The following CFAP53 variants were observed in gnomAD, a reference collection of about 807,000 sequenced individuals.
CFAP53 encodes cilia- and flagella-associated protein 53.
A neutral mutation model predicts 59.7 loss-of-function variants in CFAP53; 62 were observed. The ratio of observed to expected loss-of-function variants is 1.04; its 90% confidence interval spans 0.85 to 1.28. CFAP53 has a LOEUF of 1.28. Among genes scored for constraint, CFAP53 ranks in the 50% most tolerant of loss-of-function variants. The probability of loss-of-function intolerance (pLI) is 0.00; values close to 1 mark genes in which losing one functional copy is unlikely to be tolerated. For missense variants in CFAP53, 629 were observed against 615.6 expected (o/e 1.02, Z -0.23); for synonymous variants, 218 against 205.7 (o/e 1.06, Z -0.51).
rs760089272 is a variant in CFAP53, at chr18:50,251,511, C to A, written c.747G>T (p.Gln249His). Residue 249 changes from glutamine to histidine, a missense_variant, in exon 4 of 8, where the codon CAG becomes CAT. By Grantham distance (24) the Gln-to-His change is conservative. Coordinates refer to ENST00000398545, the MANE Select transcript of CFAP53 (RefSeq NM_145020.5). ...GGCGTGCCTCCTCTTCCTTCAGCAG[C>A]TGTGTCGCCTGCCTTTGTGCCTTGA... ...TSIKAQRQAT[Q>H]LLKEEEARLV... is the part of the protein sequence containing the mutation. 4.3e-6 allele frequency: 7 copies of A among 1,613,784 alleles called. No homozygotes were observed. Among genetic ancestry groups the A allele is most frequent in the Non-Finnish European group, 5.9e-6 (7 of 1,180,022 alleles).
At chr18:50,236,075 A>G (rs889270879) in intron 7 of CFAP53, among the ~76,000 whole-genome samples, 1 of 152,228 alleles carries the variant, frequency 6.6e-6, no homozygotes, top group African/African-American at 2.4e-5. Flanking sequence ...TCCTGTGCAG[A>G]TAACATACAA....
chr18:50,266,304 T>C (rs759372486), intron 1 of CFAP53, 32 bp downstream of exon 1: 2 of 1,608,800 alleles, frequency 1.2e-6, no homozygotes, highest in Non-Finnish European at 1.7e-6. Flanking sequence ...TGGAGAAAGC[T>C]GTAGGGTCTG....
chr18:50,238,711 A>G lies in CFAP53; in HGVS notation c.1214-6T>C, dbSNP rs1244093116. 3.8e-6 allele frequency: 6 copies of G among 1,597,696 alleles called. No homozygotes were observed. In the Admixed American group the frequency reaches 5.1e-5, roughly 13 times the overall value. ...TTCTTTAGCTTCTCGTTGCACTAAG[A>G]AAAGCAAAAGTAATTATATGTCAAA... On this transcript the variant is annotated splice_polypyrimidine_tract_variant and splice_region_variant and intron_variant, in intron 6 of 7. Transcript: ENST00000398545.
intron 3 of CFAP53, among the ~76,000 whole-genome samples, chr18:50,254,645 T>C (rs1391311726): frequency 6.6e-6 from 1 of 152,170 alleles, no homozygotes; most frequent in East Asian, 1.9e-4. Context: ...TCTCAGCACT[T>C]TGGGAGGCCA....
chr18:50,245,723 A>G (rs931419672), intron 5 of CFAP53, among the ~76,000 whole-genome samples: 1 of 152,238 alleles, frequency 6.6e-6, no homozygotes, highest in African/African-American at 2.4e-5. Flanking sequence ...CTTTACCAAA[A>G]TCTCAACTGG....
chr18:50,251,077 C>G, intron 4 of CFAP53, 101 bp from the exon 5 acceptor site: 2 of 950,806 alleles, frequency 2.1e-6, no homozygotes, highest in Non-Finnish European at 3.3e-6. Flanking sequence ...TCTGGAAATA[C>G]ACACACACCT....
chr18:50,239,999 G>A (rs553747038), intron 6 of CFAP53, among the ~76,000 whole-genome samples: 91 of 152,290 alleles, frequency 6.0e-4, no homozygotes, highest in African/African-American at 2.1e-3. Context: ...ATGTCAGTAT[G>A]TTCAATTCTT....
At chr18:50,249,203 CA>C (rs34676585) in intron 5 of CFAP53, among the ~76,000 whole-genome samples, 2,496 of 105,048 alleles carry the variant, frequency 0.024, 36 homozygotes, top group Middle Eastern at 0.037. Context: ...AATTCTATCT[CA>C]AAAAAAAAAA....
chr18:50,235,722 T>C (rs1178478469), intron 7 of CFAP53, among the ~76,000 whole-genome samples: 1 of 152,202 alleles, frequency 6.6e-6, no homozygotes, highest in African/African-American at 2.4e-5. Flanking sequence ...ATGACTCTCC[T>C]TTGGATGCAA....
chr18:50,266,188 C>T lies in CFAP53; in HGVS notation c.69+148G>A, dbSNP rs2033968836. 5.7e-6 allele frequency: 4 copies of T among 702,036 alleles called. No individual in the cohort carries two copies. In the East Asian group the frequency reaches 1.0e-4, roughly 18 times the overall value. The allele number at this position is 702,036 out of a possible 1,614,324, so 43.5% of individuals were successfully genotyped here. The stretch of plus-strand genomic sequence containing the variant: ...GTAGATAGGTGAGCGACCTTATCTT[C>T]CTTCTTTCAAAATTCAACCCACTGC... On this transcript the variant is annotated intron_variant, in intron 1 of 7. Coordinates refer to ENST00000398545, the MANE Select transcript of CFAP53 (RefSeq NM_145020.5).
At chr18:50,259,317 G>T (rs748148719) in intron 3 of CFAP53, among the ~76,000 whole-genome samples, 3 of 152,124 alleles carry the variant, frequency 2.0e-5, no homozygotes, top group African/African-American at 7.2e-5. Context: ...GGATGGAACT[G>T]GAGGTCATTA....
chr18:50,231,456 T>G (rs1299813993), intron 7 of CFAP53, among the ~76,000 whole-genome samples: 2 of 152,216 alleles, frequency 1.3e-5, no homozygotes, highest in Non-Finnish European at 2.9e-5. Context: ...GGAACCTCAG[T>G]GGACAGTATC....
chr18:50,233,397 T>C (rs554520919), intron 7 of CFAP53, among the ~76,000 whole-genome samples: 1 of 152,360 alleles, frequency 6.6e-6, no homozygotes, highest in African/African-American at 2.4e-5. Context: ...TTAAGCAGCG[T>C]CACCCTCTTA....
intron 7 of CFAP53, among the ~76,000 whole-genome samples, chr18:50,228,748 G>A (rs550300713): frequency 9.2e-5 from 14 of 152,136 alleles, no homozygotes; most frequent in Non-Finnish European, 1.6e-4. Flanking sequence ...CCAAGACTGC[G>A]CCATTGCACT....
intron 2 of CFAP53, 60 bp downstream of exon 2, chr18:50,261,930 A>G (rs769997817): frequency 1.2e-4 from 161 of 1,364,006 alleles, no homozygotes; most frequent in Non-Finnish European, 1.5e-4. Flanking sequence ...TGACTGGTCA[A>G]TCTCAAATTG....
At chr18:50,235,686 AG>A (rs1245443991) in intron 7 of CFAP53, among the ~76,000 whole-genome samples, 10 of 152,248 alleles carry the variant, frequency 6.6e-5, no homozygotes, top group African/African-American at 2.4e-4. Context: ...TACTGCAGTG[AG>A]GGTATCAGCC....
At chr18:50,255,794 T>A (rs1371250415) in intron 3 of CFAP53, among the ~76,000 whole-genome samples, 1 of 150,818 alleles carries the variant, frequency 6.6e-6, no homozygotes, top group Non-Finnish European at 1.5e-5. Flanking sequence ...TTCATAAGAG[T>A]CCCAAACTGA....
intron 7 of CFAP53, among the ~76,000 whole-genome samples, chr18:50,236,214 T>A (rs2144405184): frequency 6.6e-6 from 1 of 152,252 alleles, no homozygotes; most frequent in African/African-American, 2.4e-5. Context: ...TCCTATAAAA[T>A]CTCTGGCAAG....
rs772434872 is a variant in CFAP53, at chr18:50,250,882, G to A, written c.872C>T (p.Ala291Val). 6 of 1,613,974 alleles carry A rather than the reference G, an allele frequency of 3.7e-6. No individual in the cohort carries two copies. Among genetic ancestry groups the A allele is most frequent in the Non-Finnish European group, 5.1e-6 (6 of 1,179,988 alleles). The change falls in exon 5 of 8, where the codon GCC becomes GTC. Residue 291 changes from alanine to valine, a missense_variant. Coordinates refer to ENST00000398545, the MANE Select transcript of CFAP53 (RefSeq NM_145020.5). ...KQETRTILQKALQERIEHIQQ... is the reference protein window; with the variant it reads ...KQETRTILQKVLQERIEHIQQ... ...AATATGTTCTATCCTCTCTTGTAGGGCTTTTTGCAAAATGGTCCTAGTTTC... is the reference window on the plus strand; with the variant it reads ...AATATGTTCTATCCTCTCTTGTAGGACTTTTTGCAAAATGGTCCTAGTTTC...
Sources: gnomAD v4.1 joint callset for allele counts (sites outside exome capture counted in the v4.1 genomes callset) on GRCh38, gnomAD v4.1.1 for gene constraint, MANE v1.5 for transcripts, NCBI Gene and HGNC (gene_info 2026-07-23, HGNC 2026-07-21) for gene names.